PHLPP2: variants seen among roughly 807,000 people sequenced by gnomAD.
The protein encoded by PHLPP2 is PH domain and leucine rich repeat protein phosphatase 2, also known as PH domain leucine-rich repeat-containing protein phosphatase 2.
PHLPP2 carries 66 observed loss-of-function variants against 124.9 expected under a neutral mutation model. The observed-to-expected ratio is 0.53, with a 90% CI of 0.43 to 0.65. PHLPP2 has a LOEUF of 0.65. PHLPP2 is among the 30% of genes least tolerant of loss of function. PHLPP2 has a pLI of 0.00. For missense variants in PHLPP2, 1,685 were observed against 1,600.4 expected (o/e 1.05, Z -0.90); for synonymous variants, 681 against 624.7 (o/e 1.09, Z -1.34).
At chr16:71,714,177 T>C (rs1320286615) in intron 2 of PHLPP2, among the ~76,000 whole-genome samples, 1 of 152,098 alleles carries the variant, frequency 6.6e-6, no homozygotes, top group Non-Finnish European at 1.5e-5. Flanking sequence ...TGACCTCAAG[T>C]GATACACCCA....
In PHLPP2 at chr16:71,647,901, A is replaced by T. The variant is rs1272848362; in HGVS notation, c.*989T>A. Reference sequence around the variant, plus strand: ...AGGGCCCTTCCTATACCCTCGAATAAGTCTCCAACACCCAGTTCTCTCTCT... The same window carrying T: ...AGGGCCCTTCCTATACCCTCGAATATGTCTCCAACACCCAGTTCTCTCTCT... On this transcript the variant is annotated 3_prime_UTR_variant, in exon 19 of 19. Coordinates refer to ENST00000568954, the MANE Select transcript of PHLPP2 (RefSeq NM_015020.3). 1 of 152,616 alleles carries T rather than the reference A, an allele frequency of 6.6e-6. No homozygotes were observed. Among genetic ancestry groups the T allele is most frequent in the Non-Finnish European group, 1.5e-5 (1 of 68,050 alleles). The allele number at this position is 152,616 out of a possible 1,614,324, so 9.5% of individuals were successfully genotyped here.
intron 9 of PHLPP2, 85 bp downstream of exon 9, chr16:71,676,362 G>T: frequency 9.7e-7 from 1 of 1,030,240 alleles, no homozygotes; most frequent in East Asian, 2.5e-5. Flanking sequence ...CAGAGTGGCT[G>T]AGGAACACCA....
intron 15 of PHLPP2, among the ~76,000 whole-genome samples, chr16:71,656,966 A>G (rs2145310132): frequency 6.7e-6 from 1 of 149,352 alleles, no homozygotes; most frequent in South Asian, 2.1e-4. Context: ...TTTTTTTGAG[A>G]CGATCTCCCT....
In PHLPP2 at chr16:71,681,800, G is replaced by C; in HGVS notation, c.841C>G (p.His281Asp). The C allele has an allele frequency of 1.9e-6, 3 of 1,613,998 alleles. No homozygotes were observed. The highest frequency in any genetic ancestry group is 1.7e-6 in the Non-Finnish European group (2 of 1,179,952). The change falls in exon 6 of 19, where the codon CAC (histidine) becomes GAC (aspartate). Residue 281 changes from histidine (H) to aspartate (D), a missense_variant. Physicochemically the swap from His to Asp is moderately conservative, Grantham distance 81. Coordinates refer to ENST00000568954, the MANE Select transcript of PHLPP2 (RefSeq NM_015020.3). The part of the protein sequence containing the change: ...SQDITYLNLR[H>D]NFMQLERPGG... ...GGTCTTTCTAACTGCATGAAGTTGTGTCGCAAGTTGAGGTAGGTAATATCT... is the reference window on the plus strand; with the variant it reads ...GGTCTTTCTAACTGCATGAAGTTGTCTCGCAAGTTGAGGTAGGTAATATCT...
rs1483493893 is a variant in PHLPP2, at chr16:71,684,607, G to C, written c.610-6C>G. Reference sequence around the variant, plus strand: ...CGTCGCTTCACTTCTTCTATCTGAAGAAGAGGAGGGGAGAAAACCAGAACC... The same window carrying C: ...CGTCGCTTCACTTCTTCTATCTGAACAAGAGGAGGGGAGAAAACCAGAACC... On this transcript the variant is annotated splice_polypyrimidine_tract_variant and splice_region_variant and intron_variant, in intron 4 of 18. Coordinates refer to ENST00000568954, the MANE Select transcript of PHLPP2 (RefSeq NM_015020.3). The C allele has an allele frequency of 4.4e-6, 7 of 1,603,838 alleles. No homozygotes were observed. Among genetic ancestry groups the C allele is most frequent in the East Asian group, 2.2e-5 (1 of 44,830 alleles).
intron 17 of PHLPP2, 182 bp downstream of exon 17, chr16:71,655,058 G>A (rs1224862271): frequency 7.3e-6 from 4 of 546,208 alleles, no homozygotes; most frequent in Non-Finnish European, 1.3e-5. Context: ...GACCCCCACA[G>A]GCTTTTGAAA....
At chr16:71,653,488 C>G (rs2044713332) in intron 17 of PHLPP2, among the ~76,000 whole-genome samples, 1 of 152,144 alleles carries the variant, frequency 6.6e-6, no homozygotes, top group African/African-American at 2.4e-5. Context: ...GAACCACTCA[C>G]TTAGGTTCTA....
At position 71,658,360 on chromosome 16, in the gene PHLPP2, C is replaced by T. The variant is rs1417809712; in HGVS notation, c.2152G>A (p.Val718Ile). ...EILQLPQIQF[V>I]DLSCNDLTEI... The stretch of plus-strand genomic sequence containing the variant: ...GTCAAGTCGTTGCAACTTAGGTCTA[C>T]AAACTAAGAAAAAATTGAGAAATCA... Residue 718 changes from valine to isoleucine, a missense_variant, in exon 15 of 19, where the codon GTA (valine) becomes ATA (isoleucine). Physicochemically the swap from Val to Ile is conservative, Grantham distance 29. Coordinates refer to ENST00000568954, the MANE Select transcript of PHLPP2 (RefSeq NM_015020.3). The T allele has an allele frequency of 1.9e-6, 3 of 1,611,288 alleles. No homozygotes were observed. The highest frequency in any genetic ancestry group is 1.7e-6 in the Non-Finnish European group (2 of 1,179,048).
intron 1 of PHLPP2, among the ~76,000 whole-genome samples, chr16:71,716,928 TTTTA>T (rs1461320033): frequency 5.9e-5 from 9 of 152,282 alleles, no homozygotes; most frequent in South Asian, 2.1e-4. Flanking sequence ...TGACAATGGG[TTTTA>T]TTTATTTATT....
chr16:71,673,108 G>A (rs1031177087), intron 9 of PHLPP2, among the ~76,000 whole-genome samples: 7 of 152,162 alleles, frequency 4.6e-5, no homozygotes, highest in Non-Finnish European at 8.8e-5. Context: ...CCATTTTAGA[G>A]TTGATGACAT....
intron 1 of PHLPP2, chr16:71,723,945 TGGCCCCGCCCCCCGCGGCCCGCC>T (rs1324898872): frequency 2.1e-5 from 9 of 423,150 alleles, no homozygotes; most frequent in East Asian, 1.2e-4. Context: ...GAGCAACCGG[TGGCCCCGCCCCCCGCGGCCCGCC>T]GGCTCCGCCC....
chr16:71,649,556 A>G lies in PHLPP2; in HGVS notation c.3306T>C (p.Asn1102=), dbSNP rs768623000. ...EVGSTASDEH[N]AGGLDTALLP... is the part of the protein sequence containing the mutation. ...GCAAGGCAGTGTCCAGGCCCCCAGC[A>G]TTATGCTCATCAGAAGCAGTGGACC... The change falls in exon 19 of 19, where the codon AAT becomes AAC. Residue 1102 remains asparagine, a synonymous_variant. Transcript: ENST00000568954. 2 of 1,614,178 alleles carry G rather than the reference A, an allele frequency of 1.2e-6. No individual in the cohort carries two copies. Among genetic ancestry groups the G allele is most frequent in the Non-Finnish European group, 8.5e-7 (1 of 1,180,034 alleles).
rs1197758367 is a variant in PHLPP2 at position 71,714,551 on chromosome 16, C to A, written c.245G>T (p.Arg82Ile). ...ATGAAGCTGTAAATAAAGACTTTCTCTTCCCTCTCCAGCACATATTTCTGA... is the reference window on the plus strand; with the variant it reads ...ATGAAGCTGTAAATAAAGACTTTCTATTCCCTCTCCAGCACATATTTCTGA... ...PASEICAGEG[R>I]ESLYLQLHGD... The change falls in exon 2 of 19, where the codon AGA (arginine) becomes ATA (isoleucine). Residue 82 changes from arginine (R) to isoleucine (I), a missense_variant. Transcript: ENST00000568954. 1 of 1,613,658 alleles carries A rather than the reference C, an allele frequency of 6.2e-7. No individual in the cohort carries two copies. The highest frequency in any genetic ancestry group is 2.2e-5 in the East Asian group (1 of 44,876).
At chr16:71,660,455 T>G (rs1460040384) in intron 13 of PHLPP2, among the ~76,000 whole-genome samples, 2 of 136,028 alleles carry the variant, frequency 1.5e-5, no homozygotes, top group Admixed American at 1.6e-4. Context: ...AGATGGAGTC[T>G]TGCTCTGTTG....
Position 71,649,823 on chromosome 16 carries a change from C to T in PHLPP2, c.3039G>A (p.Leu1013=). The change falls in exon 19 of 19, where the codon CTG becomes CTA. Residue 1013 remains leucine (L), a synonymous_variant. Transcript: ENST00000568954. ...VQDPLAAAKK[L]CTLAQSYGCQ... ...AGCCATAGCTCTGCGCTAATGTGCA[C>T]AGCTTCTTAGCAGCTGCTAATGGGT... The T allele has an allele frequency of 6.2e-7, 1 of 1,613,940 alleles. No homozygotes were observed.
intron 10 of PHLPP2, among the ~76,000 whole-genome samples, chr16:71,670,933 T>C (rs1375070790): frequency 6.6e-6 from 1 of 152,114 alleles, no homozygotes; most frequent in Non-Finnish European, 1.5e-5. Flanking sequence ...TGGCCTCTAT[T>C]TTCCCAATCA....
chr16:71,659,195 T>C (rs1327105888), intron 13 of PHLPP2, among the ~76,000 whole-genome samples: 1 of 151,500 alleles, frequency 6.6e-6, no homozygotes, highest in Admixed American at 6.6e-5. Context: ...CAGTCTTTAA[T>C]ACCCTCAGCT....
chr16:71,690,322 T>C (rs1014040761), intron 4 of PHLPP2, among the ~76,000 whole-genome samples, 197 bp downstream of exon 4: 8 of 152,176 alleles, frequency 5.3e-5, no homozygotes, highest in African/African-American at 1.9e-4. Context: ...GGTGGGGATG[T>C]CTTGAACAGA....
chr16:71,671,995 G>A (rs1439860704), intron 10 of PHLPP2, among the ~76,000 whole-genome samples: 2 of 152,182 alleles, frequency 1.3e-5, no homozygotes, highest in Non-Finnish European at 2.9e-5. Context: ...GTGCCTTGAA[G>A]ATAACAGGTC....
Sources: gnomAD v4.1 joint callset for allele counts (sites outside exome capture counted in the v4.1 genomes callset) on GRCh38, gnomAD v4.1.1 for gene constraint, MANE v1.5 for transcripts, NCBI Gene and HGNC (gene_info 2026-07-23, HGNC 2026-07-21) for gene names.